NLGN1: variants seen among roughly 807,000 people sequenced by gnomAD.
NLGN1 encodes neuroligin 1, also known as neuroligin-1.
NLGN1 carries 12 observed loss-of-function variants against 65.5 expected under a neutral mutation model. The ratio of observed to expected loss-of-function variants is 0.18; its 90% confidence interval spans 0.12 to 0.30. The LOEUF is 0.30. Ranked by LOEUF, NLGN1 falls within the 10% of genes least tolerant of loss-of-function variation. The pLI is 1.00. For missense variants in NLGN1, 750 were observed against 1,007.1 expected, an observed-to-expected ratio of 0.74 and a Z score of 3.46; for synonymous variants, 350 against 359.5, an observed-to-expected ratio of 0.97 and a Z score of 0.30.
chr3:173,818,024 A>G (rs1427835777), intron 4 of NLGN1, among the ~76,000 whole-genome samples: 1 of 152,198 alleles, frequency 6.6e-6, no homozygotes, highest in Admixed American at 6.5e-5. Flanking sequence ...TAGGACTACA[A>G]CTAACTAAAC....
chr3:173,819,909 A>T (rs1456484114), intron 4 of NLGN1, among the ~76,000 whole-genome samples: 1 of 152,140 alleles, frequency 6.6e-6, no homozygotes, highest in African/African-American at 2.4e-5. Flanking sequence ...GGCTGGTGGT[A>T]TGGAATGTGG....
intron 3 of NLGN1, among the ~76,000 whole-genome samples, chr3:173,744,728 T>C (rs1775111615): frequency 6.6e-6 from 1 of 152,128 alleles, no homozygotes. Flanking sequence ...TTGCTATGTA[T>C]CACATCCTTA....
At chr3:174,284,975 A>C (rs1385358568) in exon 7 of NLGN1, 1 of 151,382 alleles carries the variant, frequency 6.6e-6, no homozygotes, top group Non-Finnish European at 1.5e-5. Context: ...AACAGATGGC[A>C]CTAATTTTCT....
chr3:174,062,013 T>A (rs1737519385), intron 4 of NLGN1, among the ~76,000 whole-genome samples: 1 of 152,090 alleles, frequency 6.6e-6, no homozygotes, highest in Non-Finnish European at 1.5e-5. Flanking sequence ...ACAAGACTAG[T>A]TTAATGTGTT....
chr3:173,948,458 A>G (rs957131015), intron 4 of NLGN1, among the ~76,000 whole-genome samples: 2 of 152,206 alleles, frequency 1.3e-5, no homozygotes, highest in African/African-American at 2.4e-5. Context: ...CAAAAGACAC[A>G]TAGGTTGTTT....
At chr3:173,801,077 T>C (rs1378588681) in intron 3 of NLGN1, among the ~76,000 whole-genome samples, 1 of 151,992 alleles carries the variant, frequency 6.6e-6, no homozygotes, top group African/African-American at 2.4e-5. Context: ...GAGACATGAT[T>C]TCCAGATTGT....
exon 7 of NLGN1, chr3:174,281,284 A>G: frequency 6.2e-7 from 1 of 1,608,862 alleles, no homozygotes. Context: ...CCCCATTCAC[A>G]TTCAACAACC....
At chr3:173,557,039 T>C (rs1298213902) in intron 2 of NLGN1, among the ~76,000 whole-genome samples, 2 of 152,152 alleles carry the variant, frequency 1.3e-5, no homozygotes, top group Non-Finnish European at 2.9e-5. Flanking sequence ...TACTGATTTT[T>C]TTTGTCTACT....
intron 4 of NLGN1, among the ~76,000 whole-genome samples, chr3:174,228,751 A>G (rs553562537): frequency 6.6e-6 from 1 of 152,236 alleles, no homozygotes; most frequent in Admixed American, 6.5e-5. Context: ...CCCACAAACA[A>G]GCATTTTTAT....
the NLGN1 span, among the ~76,000 whole-genome samples, chr3:174,293,956 G>A: frequency 0.73 from 110,470 of 151,396 alleles, 40,944 homozygotes; most frequent in African/African-American, 0.86. Context: ...GTAATCTTTG[G>A]ATATATATTT....
At chr3:173,895,078 G>C (rs185650554) in intron 4 of NLGN1, among the ~76,000 whole-genome samples, 13 of 152,088 alleles carry the variant, frequency 8.5e-5, no homozygotes, top group African/African-American at 1.4e-4. Flanking sequence ...GGTGCCGGGA[G>C]GGGGGGAGTT....
At chr3:173,937,689 A>G (rs62292084) in intron 4 of NLGN1, among the ~76,000 whole-genome samples, 1 of 152,142 alleles carries the variant, frequency 6.6e-6, no homozygotes, top group Non-Finnish European at 1.5e-5. Flanking sequence ...ATCACTTGAC[A>G]AGTGATTTTA....
At chr3:173,490,956 C>G (rs1729032290) in intron 2 of NLGN1, among the ~76,000 whole-genome samples, 1 of 151,210 alleles carries the variant, frequency 6.6e-6, no homozygotes, top group Admixed American at 6.6e-5. Context: ...TATCCTGAGA[C>G]TTTGCTGAAG....
intron 2 of NLGN1, among the ~76,000 whole-genome samples, chr3:173,565,077 A>T (rs1244273194): frequency 6.6e-6 from 1 of 152,198 alleles, no homozygotes; most frequent in African/African-American, 2.4e-5. Flanking sequence ...AGGATGAGAG[A>T]CACAAGGAGT....
At chr3:173,756,003 A>G (rs1346949079) in intron 3 of NLGN1, among the ~76,000 whole-genome samples, 1 of 152,118 alleles carries the variant, frequency 6.6e-6, no homozygotes, top group South Asian at 2.1e-4. Flanking sequence ...TGCATTATAT[A>G]TGGTATTTTT....
At chr3:173,943,913 G>A (rs1169822662) in intron 4 of NLGN1, among the ~76,000 whole-genome samples, 1 of 152,222 alleles carries the variant, frequency 6.6e-6, no homozygotes, top group African/African-American at 2.4e-5. Context: ...CAGAGAAAAA[G>A]CAATCATTTC....
chr3:173,474,990 G>A (rs1459398535), intron 2 of NLGN1, among the ~76,000 whole-genome samples: 2 of 151,742 alleles, frequency 1.3e-5, no homozygotes, highest in African/African-American at 4.8e-5. Flanking sequence ...AAAGACAGAA[G>A]TTATACATAA....
chr3:173,678,569 G>C (rs934796596), intron 3 of NLGN1, among the ~76,000 whole-genome samples: 6 of 152,014 alleles, frequency 3.9e-5, no homozygotes, highest in Non-Finnish European at 5.9e-5. Context: ...AGGTTGCAAG[G>C]GTGCTGCAAA....
At chr3:173,814,483 G>A (rs1366853659) in intron 4 of NLGN1, among the ~76,000 whole-genome samples, 1 of 152,152 alleles carries the variant, frequency 6.6e-6, no homozygotes, top group African/African-American at 2.4e-5. Flanking sequence ...TTGCAAAGTT[G>A]ACTGCTCATT....
Sources: gnomAD v4.1 joint callset for allele counts (sites outside exome capture counted in the v4.1 genomes callset) on GRCh38, gnomAD v4.1.1 for gene constraint, MANE v1.5 for transcripts, NCBI Gene and HGNC (gene_info 2026-07-23, HGNC 2026-07-21) for gene names.